The following ATP8A2 variants were observed in gnomAD, a reference collection of about 807,000 sequenced individuals.
ATP8A2 encodes the protein ATPase phospholipid transporting 8A2.
A neutral mutation model predicts 165.6 loss-of-function variants in ATP8A2; 100 were observed. That is an observed-to-expected ratio of 0.60 (90% CI 0.51 to 0.71). The LOEUF (loss-of-function observed/expected upper bound fraction) is 0.71. Among genes scored for constraint, ATP8A2 ranks in the 30% least tolerant of loss-of-function variants. The pLI, the probability that ATP8A2 is intolerant of heterozygous loss-of-function variation, is 0.00. For synonymous variants in ATP8A2, 543 were observed against 548.8 expected (o/e 0.99, Z 0.15); for missense variants, 1,227 against 1,479.5 (o/e 0.83, Z 2.80).
At position 25,786,779 on chromosome 13, in the gene ATP8A2, A is replaced by G. The variant is rs555864495; in HGVS notation, c.2679+11820A>G. 3.9e-3 allele frequency among the ~76,000 whole-genome samples: 556 copies of G among 142,256 alleles called. 4 individuals carry two copies. Among genetic ancestry groups the G allele is most frequent in the African/African-American group, 0.014 (537 of 37,524 alleles). 93.3% of individuals were successfully genotyped at this position (142,256 alleles called of 152,430 possible). ...GTTTTTTTTTTTTTTTTTTTGAGAC[A>G]GAGTTTCACTCTGGTTGCCCAGGCT... On this transcript the variant is annotated intron_variant, in intron 27 of 36. Transcript: ENST00000381655.
chr13:25,626,742 C>T lies in ATP8A2; in HGVS notation c.2211+37043C>T, dbSNP rs971541858. ...CGCGGATAAAGACATACCTGAGACT[C>T]GGTAATTTATAAAGAAAAAGAGGTT... On this transcript the variant is annotated intron_variant, in intron 24 of 36. Transcript: ENST00000381655. 5.9e-5 allele frequency among the ~76,000 whole-genome samples: 9 copies of T among 152,066 alleles called. 1 individual carries two copies. The highest frequency in any genetic ancestry group is 3.9e-4 in the East Asian group (2 of 5,162).
At chr13:25,396,289 A>C (rs908245259) in intron 1 of ATP8A2, among the ~76,000 whole-genome samples, 8 of 152,170 alleles carry the variant, frequency 5.3e-5, no homozygotes, top group African/African-American at 9.7e-5. Flanking sequence ...ACAGTCAAAC[A>C]AGGTAGGTCA....
At chr13:25,435,952 AGTGTGT>A (rs1448353061) in intron 1 of ATP8A2, among the ~76,000 whole-genome samples, 4 of 40,650 alleles carry the variant, frequency 9.8e-5, no homozygotes, top group South Asian at 2.2e-3. Context: ...TGTGTGTGTG[AGTGTGT>A]GTGTGTGTGT....
At chr13:25,967,938 A>G (rs1338006898) in intron 34 of ATP8A2, among the ~76,000 whole-genome samples, 1 of 152,162 alleles carries the variant, frequency 6.6e-6, no homozygotes, top group Non-Finnish European at 1.5e-5. Context: ...AGTTGTATTA[A>G]TGTCACTGAG....
At position 25,581,742 on chromosome 13, in the gene ATP8A2, C is replaced by A. The variant is rs905051251; in HGVS notation, c.2008-77C>A. ...CAACTGTCTCAGAACCGTTTGATTGCCTTTCTTTGTCAGAATTTGTTAGTG... is the reference window on the plus strand; with the variant it reads ...CAACTGTCTCAGAACCGTTTGATTGACTTTCTTTGTCAGAATTTGTTAGTG... On this transcript the variant is annotated intron_variant, in intron 22 of 36. Coordinates refer to ENST00000381655, the MANE Select transcript of ATP8A2 (RefSeq NM_016529.6). 4.4e-6 allele frequency: 6 copies of A among 1,359,624 alleles called. No homozygotes were observed. In the Admixed American group the frequency reaches 5.3e-5, roughly 12 times the overall value. The allele number at this position is 1,359,624 out of a possible 1,614,324, so 84.2% of individuals were successfully genotyped here.
At chr13:25,755,903 G>A (rs749768822) in intron 25 of ATP8A2, among the ~76,000 whole-genome samples, 6 of 151,374 alleles carry the variant, frequency 4.0e-5, no homozygotes, top group South Asian at 4.2e-4. Context: ...GCAAGACTCC[G>A]TCTCAAAAAA....
intron 2 of ATP8A2, among the ~76,000 whole-genome samples, chr13:25,478,299 C>T (rs1182898063): frequency 1.3e-5 from 2 of 152,094 alleles, no homozygotes; most frequent in Non-Finnish European, 2.9e-5. Flanking sequence ...TCAGTTTAGT[C>T]ATGTGAGCTT....
intron 24 of ATP8A2, among the ~76,000 whole-genome samples, chr13:25,693,392 G>A (rs1006314738): frequency 1.3e-5 from 2 of 152,166 alleles, no homozygotes; most frequent in Non-Finnish European, 2.9e-5. Context: ...AGTGGGCATG[G>A]AAAGTGCAGG....
At chr13:25,795,411 G>A (rs907184938) in intron 27 of ATP8A2, among the ~76,000 whole-genome samples, 1 of 152,120 alleles carries the variant, frequency 6.6e-6, no homozygotes, top group South Asian at 2.1e-4. Flanking sequence ...ATATTTGGTC[G>A]ATTTCTTTTC....
At chr13:25,583,453 G>A (rs74984244) in intron 23 of ATP8A2, among the ~76,000 whole-genome samples, 5,250 of 152,152 alleles carry the variant, frequency 0.035, 277 homozygotes, top group African/African-American at 0.12. Context: ...GATCTTGAGC[G>A]TTCCCGCTGG....
intron 1 of ATP8A2, among the ~76,000 whole-genome samples, chr13:25,465,669 T>TTCTC (rs1312880808): frequency 9.7e-5 from 1 of 10,356 alleles, no homozygotes; most frequent in African/African-American, 3.6e-4. Flanking sequence ...AGAGTTTTCT[T>TTCTC]TCTTTCTTTC....
chr13:25,642,481 C>A (rs545090443), intron 24 of ATP8A2, among the ~76,000 whole-genome samples: 4 of 152,252 alleles, frequency 2.6e-5, no homozygotes, highest in African/African-American at 9.6e-5. Context: ...ATGCAGCCAA[C>A]AGACACATAA....
chr13:25,443,771 G>A (rs1484554288), intron 1 of ATP8A2, among the ~76,000 whole-genome samples: 1 of 152,134 alleles, frequency 6.6e-6, no homozygotes, highest in African/African-American at 2.4e-5. Flanking sequence ...GGCTACATGA[G>A]GGCACGGAAT....
intron 1 of ATP8A2, among the ~76,000 whole-genome samples, chr13:25,441,241 T>A (rs1259697434): frequency 1.3e-5 from 2 of 152,206 alleles, no homozygotes; most frequent in African/African-American, 4.8e-5. Flanking sequence ...CCAAAGAACA[T>A]AAATGGAATT....
At chr13:25,801,946 G>A (rs752043807) in intron 27 of ATP8A2, among the ~76,000 whole-genome samples, 1 of 152,054 alleles carries the variant, frequency 6.6e-6, no homozygotes. Context: ...CAGATCTCGG[G>A]AGAACTCCCT....
chr13:25,481,013 A>T (rs1398369600), intron 2 of ATP8A2, among the ~76,000 whole-genome samples: 1 of 152,178 alleles, frequency 6.6e-6, no homozygotes, highest in Non-Finnish European at 1.5e-5. Context: ...AAAACCAGTC[A>T]GGCGTGGCAG....
chr13:25,608,898 T>C (rs2040584868), intron 24 of ATP8A2, among the ~76,000 whole-genome samples: 1 of 152,190 alleles, frequency 6.6e-6, no homozygotes, highest in Non-Finnish European at 1.5e-5. Flanking sequence ...ACAAATCTTA[T>C]ATTCTTGGAA....
At chr13:25,573,089 T>C (rs2039513319) in intron 18 of ATP8A2, among the ~76,000 whole-genome samples, 1 of 152,182 alleles carries the variant, frequency 6.6e-6, no homozygotes, top group Non-Finnish European at 1.5e-5. Context: ...GAAGTACTGA[T>C]TGAATATAGA....
At chr13:25,776,834 G>C (rs77137723) in intron 27 of ATP8A2, among the ~76,000 whole-genome samples, 1 of 152,070 alleles carries the variant, frequency 6.6e-6, no homozygotes, top group Admixed American at 6.6e-5. Context: ...TAATAATCTC[G>C]TTTTCTTCAC....
Sources: gnomAD v4.1 joint callset for allele counts (sites outside exome capture counted in the v4.1 genomes callset) on GRCh38, gnomAD v4.1.1 for gene constraint, MANE v1.5 for transcripts, NCBI Gene and HGNC (gene_info 2026-07-23, HGNC 2026-07-21) for gene names.